The following DENND1A variants were observed in gnomAD, a reference collection of about 807,000 sequenced individuals.
DENND1A encodes DENN domain containing 1A.
In DENND1A, 51 loss-of-function variants were observed where a neutral mutation model predicts 113.7. The ratio of observed to expected loss-of-function variants is 0.45; its 90% confidence interval spans 0.36 to 0.57. The LOEUF is 0.57. DENND1A is among the 20% of genes least tolerant of loss of function. The pLI, the probability that DENND1A is intolerant of heterozygous loss-of-function variation, is 0.00. For synonymous variants in DENND1A, 565 were observed against 570.8 expected (o/e 0.99, Z 0.14); for missense variants, 1,258 against 1,395.9 (o/e 0.90, Z 1.57).
intron 1 of DENND1A, among the ~76,000 whole-genome samples, chr9:123,879,644 C>T (rs889295993): frequency 5.9e-5 from 9 of 152,150 alleles, no homozygotes; most frequent in African/African-American, 2.2e-4. Context: ...TGTCACATTT[C>T]CAATTTCCAC....
chr9:123,568,684 G>T (rs2058186345), intron 12 of DENND1A, among the ~76,000 whole-genome samples: 1 of 152,208 alleles, frequency 6.6e-6, no homozygotes. Flanking sequence ...AATGGATACA[G>T]ATTTCCCTGC....
intron 18 of DENND1A, among the ~76,000 whole-genome samples, chr9:123,440,736 TA>T (rs1478170911): frequency 6.6e-6 from 1 of 152,246 alleles, no homozygotes; most frequent in Non-Finnish European, 1.5e-5. Context: ...GGAAAACAAT[TA>T]TTATTGTTCA....
At chr9:123,750,002 G>A (rs1242322251) in intron 5 of DENND1A, among the ~76,000 whole-genome samples, 1 of 152,216 alleles carries the variant, frequency 6.6e-6, no homozygotes, top group African/African-American at 2.4e-5. Context: ...AGGGAAGGCT[G>A]TGCCAGGCTG....
chr9:123,477,598 G>A (rs988543300), intron 13 of DENND1A, among the ~76,000 whole-genome samples: 5 of 151,864 alleles, frequency 3.3e-5, no homozygotes, highest in African/African-American at 1.2e-4. Context: ...GGGGAGGGTG[G>A]TGGCTGGGGG....
At chr9:123,473,520 C>A (rs2133442078) in intron 13 of DENND1A, among the ~76,000 whole-genome samples, 1 of 152,312 alleles carries the variant, frequency 6.6e-6, no homozygotes, top group Non-Finnish European at 1.5e-5. Context: ...AGCAGATGGG[C>A]AGCTATTTGC....
intron 8 of DENND1A, among the ~76,000 whole-genome samples, chr9:123,665,419 T>C (rs2063446637): frequency 6.6e-6 from 1 of 152,214 alleles, no homozygotes; most frequent in South Asian, 2.1e-4. Flanking sequence ...CTGAATTTTT[T>C]ATTAGTTAAT....
chr9:123,392,445 C>CA (rs1441008680), intron 21 of DENND1A, among the ~76,000 whole-genome samples: 4 of 152,202 alleles, frequency 2.6e-5, no homozygotes, highest in African/African-American at 4.8e-5. Flanking sequence ...CACTCAGGCA[C>CA]AAAGGATCCT....
chr9:123,596,863 C>T (rs1031520740), intron 11 of DENND1A, among the ~76,000 whole-genome samples: 2 of 152,214 alleles, frequency 1.3e-5, no homozygotes, highest in Non-Finnish European at 2.9e-5. Context: ...GTTACTTAAC[C>T]TCTCTGTGCC....
At chr9:123,831,072 A>C (rs1840142993) in intron 2 of DENND1A, among the ~76,000 whole-genome samples, 1 of 152,114 alleles carries the variant, frequency 6.6e-6, no homozygotes, top group African/African-American at 2.4e-5. Context: ...ATCTACAGAT[A>C]AATTATTGGA....
At chr9:123,728,387 G>T (rs529465044) in intron 5 of DENND1A, among the ~76,000 whole-genome samples, 2 of 141,568 alleles carry the variant, frequency 1.4e-5, no homozygotes, top group Non-Finnish European at 3.0e-5. Flanking sequence ...TGAGGCAGGA[G>T]AACTGCTTGA....
intron 11 of DENND1A, among the ~76,000 whole-genome samples, chr9:123,591,800 G>A (rs999892443): frequency 6.6e-6 from 1 of 152,228 alleles, no homozygotes; most frequent in East Asian, 1.9e-4. Context: ...AAAGCAAATC[G>A]GAGTTTGCTC....
chr9:123,745,619 TA>T lies in DENND1A; in HGVS notation c.302+12083del, dbSNP rs563742840. Among the ~76,000 whole-genome samples, 60 of 152,388 alleles carry T rather than the reference TA, an allele frequency of 3.9e-4. No individual in the cohort carries two copies. In the South Asian group the frequency reaches 0.012, roughly 30 times the overall value. The stretch of plus-strand genomic sequence containing the variant: ...CGATATACATGTCCTATGACACAAC[TA>T]TTCAACTCCTTAGGTACATACAGTA... On this transcript the variant is annotated intron_variant, in intron 5 of 23. Coordinates refer to ENST00000394215, the MANE Select transcript of DENND1A (RefSeq NM_001352964.2).
intron 2 of DENND1A, among the ~76,000 whole-genome samples, chr9:123,814,354 C>A (rs1837119338): frequency 1.3e-5 from 2 of 152,080 alleles, no homozygotes; most frequent in Admixed American, 6.6e-5. Flanking sequence ...TTGAGAATAT[C>A]ATTTTTAACA....
At chr9:123,605,266 C>T (rs1019422881) in intron 11 of DENND1A, among the ~76,000 whole-genome samples, 5 of 152,006 alleles carry the variant, frequency 3.3e-5, no homozygotes, top group Non-Finnish European at 7.4e-5. Context: ...TCATGTCACT[C>T]TGAGGTCTGT....
chr9:123,669,177 T>C (rs577928744), intron 7 of DENND1A, among the ~76,000 whole-genome samples: 10 of 152,136 alleles, frequency 6.6e-5, no homozygotes, highest in Non-Finnish European at 1.3e-4. Flanking sequence ...AGAAATATAC[T>C]CTTGCAGAGA....
chr9:123,900,133 T>A (rs1298057939), intron 1 of DENND1A, among the ~76,000 whole-genome samples: 2 of 152,218 alleles, frequency 1.3e-5, no homozygotes, highest in Non-Finnish European at 2.9e-5. Context: ...CTAAAGCGGA[T>A]TGCTAAAGCC....
chr9:123,800,498 C>A (rs957440660), intron 2 of DENND1A, among the ~76,000 whole-genome samples: 3 of 152,178 alleles, frequency 2.0e-5, no homozygotes, highest in Non-Finnish European at 2.9e-5. Context: ...TGGGATTCAG[C>A]CTGAATCCAT....
chr9:123,880,811 T>C (rs1284457582), intron 1 of DENND1A, among the ~76,000 whole-genome samples: 1 of 152,158 alleles, frequency 6.6e-6, no homozygotes, highest in East Asian at 1.9e-4. Flanking sequence ...AATGAACTGT[T>C]TCCCCCCACG....
intron 12 of DENND1A, among the ~76,000 whole-genome samples, chr9:123,563,984 C>G (rs888618532): frequency 2.6e-5 from 4 of 152,156 alleles, no homozygotes; most frequent in Non-Finnish European, 5.9e-5. Context: ...TTTGTTGATT[C>G]CTAATCTTTG....
Sources: gnomAD v4.1 joint callset for allele counts (sites outside exome capture counted in the v4.1 genomes callset) on GRCh38, gnomAD v4.1.1 for gene constraint, MANE v1.5 for transcripts, NCBI Gene and HGNC (gene_info 2026-07-23, HGNC 2026-07-21) for gene names.